Variants in ITSN1 observed in about 807,000 individuals in gnomAD.
ITSN1 encodes intersectin 1.
In ITSN1, 58 loss-of-function variants were observed where a neutral mutation model predicts 239.8. That is an observed-to-expected ratio of 0.24 (90% CI 0.20 to 0.30). The LOEUF is 0.30. Ranked by LOEUF, ITSN1 falls within the 10% of genes least tolerant of loss-of-function variation. The pLI is 1.00. For missense variants in ITSN1, 1,558 were observed against 2,103.3 expected, an observed-to-expected ratio of 0.74 and a Z score of 5.07; for synonymous variants, 780 against 770.8, an observed-to-expected ratio of 1.01 and a Z score of -0.20.
At chr21:33,724,880 C>T (rs573906653) in intron 4 of ITSN1, among the ~76,000 whole-genome samples, 1 of 152,144 alleles carries the variant, frequency 6.6e-6, no homozygotes, top group South Asian at 2.1e-4. Context: ...GTCTCGAACT[C>T]CTGGACTCAG....
chr21:33,868,066 C>G (rs773498867), intron 33 of ITSN1, among the ~76,000 whole-genome samples: 1 of 152,178 alleles, frequency 6.6e-6, no homozygotes, highest in African/African-American at 2.4e-5. Context: ...GGAAAGGGAC[C>G]GAGCCGGTTG....
intron 19 of ITSN1, among the ~76,000 whole-genome samples, chr21:33,800,418 A>G (rs1177189677): frequency 6.6e-6 from 1 of 152,166 alleles, no homozygotes; most frequent in Non-Finnish European, 1.5e-5. Context: ...TTTAAGAAAT[A>G]GTTATAAGTG....
At chr21:33,791,156 C>G (rs2071097994) in intron 16 of ITSN1, among the ~76,000 whole-genome samples, 1 of 152,158 alleles carries the variant, frequency 6.6e-6, no homozygotes, top group African/African-American at 2.4e-5. Flanking sequence ...TTGATTCATG[C>G]CATAGTAAAC....
In ITSN1 at chr21:33,874,650, C is replaced by CTTTT. The variant is rs146318076; in HGVS notation, c.4174-701_4174-700insTTTT. ...GAAACAGGGTGAATATTTTCTTTTT[C>CTTTT]TTTCTTTTTTTTTTTTTGAGACGGA... On this transcript the variant is annotated intron_variant, in intron 33 of 39. Coordinates refer to ENST00000381318, the MANE Select transcript of ITSN1 (RefSeq NM_003024.3). 1.5e-3 allele frequency among the ~76,000 whole-genome samples: 213 copies of CTTTT among 138,798 alleles called. 27 individuals carry two copies. Among genetic ancestry groups the CTTTT allele is most frequent in the African/African-American group, 2.4e-3 (90 of 37,036 alleles). The allele number at this position is 138,798 out of a possible 152,430, so 91.1% of individuals were successfully genotyped here. A position where few individuals can be genotyped will look rare whatever the true frequency, so the allele number is the denominator to read the frequency against.
rs997913374 is a variant in ITSN1, at chr21:33,775,114, G to T, written c.1596+6G>T. On this transcript the variant is annotated splice_donor_region_variant and intron_variant, in intron 14 of 39. Coordinates refer to ENST00000381318, the MANE Select transcript of ITSN1 (RefSeq NM_003024.3). The stretch of plus-strand genomic sequence containing the variant: ...ATCTACAGCAACAATTACAGGTGAG[G>T]AAATATGCCTCTTAAAAGCTATTAT... 6.2e-7 allele frequency: 1 copy of T among 1,602,680 alleles called. No individual in the cohort carries two copies. The highest frequency in any genetic ancestry group is 8.5e-7 in the Non-Finnish European group (1 of 1,177,030).
At chr21:33,813,866 A>C in intron 21 of ITSN1, 47 bp from the exon 22 acceptor site, 2 of 1,533,272 alleles carry the variant, frequency 1.3e-6, no homozygotes, top group Non-Finnish European at 8.9e-7. Context: ...AAAAGCTGGT[A>C]TATTAGGGAG....
At chr21:33,768,351 G>A (rs1395533284) in intron 11 of ITSN1, among the ~76,000 whole-genome samples, 1 of 152,078 alleles carries the variant, frequency 6.6e-6, no homozygotes, top group Non-Finnish European at 1.5e-5. Flanking sequence ...GCGCAATCTA[G>A]GCTCACTGCA....
chr21:33,643,485 C>G (rs1342132815), intron 1 of ITSN1: 1 of 151,988 alleles, frequency 6.6e-6, no homozygotes, highest in Non-Finnish European at 1.5e-5. Flanking sequence ...CACCTTCCTG[C>G]GCTTCTGCTT....
chr21:33,856,937 T>C (rs950147271), intron 30 of ITSN1, 80 bp downstream of exon 30: 8 of 1,378,882 alleles, frequency 5.8e-6, no homozygotes, highest in Non-Finnish European at 7.1e-6. Flanking sequence ...AGGAGGTCTA[T>C]GTCCTGATTC....
chr21:33,730,589 A>G (rs1376548538), intron 4 of ITSN1, among the ~76,000 whole-genome samples: 2 of 151,416 alleles, frequency 1.3e-5, no homozygotes, highest in Non-Finnish European at 1.5e-5. Flanking sequence ...TTTAGTAGAG[A>G]TGGGGTTTCA....
At chr21:33,860,384 G>GT (rs1980276016) in intron 31 of ITSN1, among the ~76,000 whole-genome samples, 1 of 151,962 alleles carries the variant, frequency 6.6e-6, no homozygotes, top group Non-Finnish European at 1.5e-5. Flanking sequence ...GCAGCTATCA[G>GT]TGGGGGCTGG....
chr21:33,837,779 G>T, intron 29 of ITSN1: 2 of 985,884 alleles, frequency 2.0e-6, no homozygotes, highest in South Asian at 9.4e-5. Flanking sequence ...AAAGCACTCT[G>T]TGTTTTTGTT....
chr21:33,704,543 G>A (rs1329358121), intron 1 of ITSN1, among the ~76,000 whole-genome samples: 2 of 152,080 alleles, frequency 1.3e-5, no homozygotes, highest in Non-Finnish European at 2.9e-5. Flanking sequence ...CTGGAAGAGG[G>A]AATACTAATA....
chr21:33,793,518 C>T (rs375133890), intron 16 of ITSN1, among the ~76,000 whole-genome samples: 98 of 152,304 alleles, frequency 6.4e-4, no homozygotes, highest in African/African-American at 2.4e-3. Flanking sequence ...GGAGTTTCTT[C>T]CTCAGCAGAC....
rs142031289 is a variant in ITSN1 at position 33,651,866 on chromosome 21, A to G, written c.-33+9153A>G. On this transcript the variant is annotated intron_variant, in intron 1 of 39. Coordinates refer to ENST00000381318, the MANE Select transcript of ITSN1 (RefSeq NM_003024.3). The stretch of plus-strand genomic sequence containing the variant: ...TAACCTTACTTTAATTCTTAGTTCA[A>G]TTAGTTTTAAACCACAGTCATTATC... Among the ~76,000 whole-genome samples the G allele has an allele frequency of 4.2e-3, 647 of 152,334 alleles. 4 individuals are homozygous for G. Among genetic ancestry groups the G allele is most frequent in the African/African-American group, 0.015 (620 of 41,578 alleles).
chr21:33,650,266 C>G (rs375101548), intron 1 of ITSN1, among the ~76,000 whole-genome samples: 38 of 152,110 alleles, frequency 2.5e-4, no homozygotes, highest in African/African-American at 9.2e-4. Context: ...AGTTCATGGA[C>G]GTGGACGAGG....
intron 28 of ITSN1, among the ~76,000 whole-genome samples, chr21:33,836,006 A>G (rs1805167557): frequency 6.6e-6 from 1 of 152,216 alleles, no homozygotes; most frequent in Non-Finnish European, 1.5e-5. Context: ...AGGTCAAATG[A>G]TGATTACCTT....
intron 34 of ITSN1, among the ~76,000 whole-genome samples, chr21:33,876,756 T>C (rs547899660): frequency 5.9e-4 from 90 of 152,182 alleles, no homozygotes; most frequent in African/African-American, 1.9e-3. Context: ...ATTAGCTGGG[T>C]GCAGTGGTTC....
intron 6 of ITSN1, 141 bp from the exon 7 acceptor site, chr21:33,751,669 A>C: frequency 1.6e-6 from 1 of 644,216 alleles, no homozygotes. Context: ...TAAGGAGGGA[A>C]AAGCTCTTTT....
Sources: allele counts gnomAD v4.1 joint callset (sites outside exome capture counted in the v4.1 genomes callset), GRCh38; gene constraint gnomAD v4.1.1; transcripts MANE v1.5; gene names NCBI Gene and HGNC (gene_info 2026-07-23, HGNC 2026-07-21).